IGSF10: variants seen among roughly 807,000 people sequenced by gnomAD.
IGSF10 encodes immunoglobulin superfamily member 10.
Under a neutral mutation model 128.2 loss-of-function variants are expected in IGSF10, and 126 were observed. That is an observed-to-expected ratio of 0.98 (90% CI 0.85 to 1.14). The LOEUF (loss-of-function observed/expected upper bound fraction) is 1.14. Among genes scored for constraint, IGSF10 ranks in the 50% most tolerant of loss-of-function variants. The pLI is 0.00. For synonymous variants in IGSF10, 1,185 were observed against 1,146.2 expected (o/e 1.03, Z -0.68); for missense variants, 3,295 against 3,149.8 (o/e 1.05, Z -1.10).
chr3:151,447,793 C>T lies in IGSF10; in HGVS notation c.2188G>A (p.Gly730Arg). ...NYRELTLQRR[G>R]DSTHRRFREN... The stretch of plus-strand genomic sequence containing the variant: ...CTAAAACGTCGATGTGTTGAATCTC[C>T]ACGTCGCTGGAGTGTTAATTCCCGA... The change falls in exon 6 of 8, where the codon GGA (glycine) becomes AGA (arginine). Residue 730 changes from glycine (G) to arginine (R), a missense_variant. By Grantham distance (125) the Gly-to-Arg change is moderately radical (BLOSUM62 -2). Coordinates refer to ENST00000282466, the MANE Select transcript of IGSF10 (RefSeq NM_178822.5). The T allele has an allele frequency of 6.2e-7, 1 of 1,614,148 alleles. No individual in the cohort carries two copies. The highest frequency in any genetic ancestry group is 2.2e-5 in the East Asian group (1 of 44,878).
chr3:151,561,986 G>A, the IGSF10 span, among the ~76,000 whole-genome samples: 18 of 152,082 alleles, frequency 1.2e-4, no homozygotes, highest in Admixed American at 9.2e-4. Flanking sequence ...TTTTATCAGA[G>A]GCGTTTGAAC....
At chr3:151,483,399 T>A in the IGSF10 span, among the ~76,000 whole-genome samples, 1 of 152,144 alleles carries the variant, frequency 6.6e-6, no homozygotes, top group Non-Finnish European at 1.5e-5. Context: ...GTAAGCTTCA[T>A]AGTAACCACA....
chr3:151,469,514 T>G, the IGSF10 span, among the ~76,000 whole-genome samples: 1 of 152,128 alleles, frequency 6.6e-6, no homozygotes. Context: ...TAAACCTTCT[T>G]CAGAGTTTCC....
intron 7 of IGSF10, among the ~76,000 whole-genome samples, chr3:151,441,643 C>T (rs1202119489): frequency 6.6e-6 from 1 of 152,112 alleles, no homozygotes; most frequent in African/African-American, 2.4e-5. Flanking sequence ...TGGAAATTCT[C>T]ATCCTCATTT....
chr3:151,608,074 A>G, the IGSF10 span, among the ~76,000 whole-genome samples: 1 of 152,122 alleles, frequency 6.6e-6, no homozygotes, highest in Non-Finnish European at 1.5e-5. Flanking sequence ...TCTATGTTTT[A>G]AAATTTCTTA....
chr3:151,553,295 T>C, the IGSF10 span, among the ~76,000 whole-genome samples: 2 of 152,148 alleles, frequency 1.3e-5, no homozygotes, highest in Admixed American at 6.5e-5. Context: ...ATTGTTGTAA[T>C]CAAAATTTTC....
At chr3:151,435,062 C>CTTTTTTTTTTTTTTTTTTTTT (rs66791814), downstream of IGSF10, 6 of 119,084 alleles carry the variant, frequency 5.0e-5, no homozygotes, top group Non-Finnish European at 1.0e-4. Flanking sequence ...TGAGAGGTTT[C>CTTTTTTTTTTTTTTTTTTTTT]TTTTTTTTTT....
the IGSF10 span, among the ~76,000 whole-genome samples, chr3:151,496,937 G>A: frequency 2.0e-5 from 3 of 152,120 alleles, no homozygotes; most frequent in Admixed American, 2.0e-4. Context: ...CAGTGATGAT[G>A]AGCATTTTTT....
the IGSF10 span, among the ~76,000 whole-genome samples, chr3:151,470,478 T>C: frequency 1.3e-5 from 2 of 152,212 alleles, no homozygotes. Context: ...AGCTTCACCA[T>C]TGTATGAGCT....
At chr3:151,488,774 G>A in the IGSF10 span, among the ~76,000 whole-genome samples, 1 of 152,074 alleles carries the variant, frequency 6.6e-6, no homozygotes, top group African/African-American at 2.4e-5. Flanking sequence ...TTGCCATATG[G>A]AGAAAGCTGA....
chr3:151,616,669 T>C, the IGSF10 span, among the ~76,000 whole-genome samples: 1 of 152,206 alleles, frequency 6.6e-6, no homozygotes, highest in Admixed American at 6.5e-5. Context: ...ATTGACAAGC[T>C]GAGTAAAAAT....
At chr3:151,572,946 T>G in the IGSF10 span, among the ~76,000 whole-genome samples, 828 of 152,286 alleles carry the variant, frequency 5.4e-3, 15 homozygotes, top group African/African-American at 0.019. Context: ...CTCATTGGTT[T>G]CAAAAAACAT....
chr3:151,444,338 A>G (rs1344659811), intron 6 of IGSF10, among the ~76,000 whole-genome samples: 1 of 151,832 alleles, frequency 6.6e-6, no homozygotes, highest in Non-Finnish European at 1.5e-5. Flanking sequence ...AGAGAGTTTC[A>G]CTCTTGTTGC....
At chr3:151,617,356 T>A in the IGSF10 span, among the ~76,000 whole-genome samples, 2 of 141,832 alleles carry the variant, frequency 1.4e-5, no homozygotes, top group African/African-American at 5.1e-5. Context: ...CTCCTCCTCC[T>A]CCTTCTCCTT....
At position 151,448,373 on chromosome 3, in the gene IGSF10, C is replaced by T. The variant is rs904585347; in HGVS notation, c.1608G>A (p.Leu536=). The change falls in exon 6 of 8, where the codon TTG becomes TTA. Residue 536 remains leucine (L), a synonymous_variant. Transcript: ENST00000282466. ...CAAAACTATCAGCCATCTGGAGTTC[C>T]AATTTTCCACTTTTGTCTATTAGGA... The part of the protein sequence containing the change: ...GRILIDKSGK[L]ELQMADSFDT... 2 of 1,614,186 alleles carry T rather than the reference C, an allele frequency of 1.2e-6. No homozygotes were observed. The highest frequency in any genetic ancestry group is 3.3e-5 in the Admixed American group (2 of 60,024).
the IGSF10 span, among the ~76,000 whole-genome samples, chr3:151,502,448 C>A: frequency 1.3e-5 from 2 of 151,940 alleles, no homozygotes; most frequent in African/African-American, 4.8e-5. Context: ...TTTTGGCATG[C>A]TATTTGTAGA....
At chr3:151,602,764 C>T in the IGSF10 span, among the ~76,000 whole-genome samples, 1 of 152,046 alleles carries the variant, frequency 6.6e-6, no homozygotes, top group African/African-American at 2.4e-5. Context: ...TTTTAAGTGG[C>T]CAGGAACCTT....
the IGSF10 span, among the ~76,000 whole-genome samples, chr3:151,579,315 CA>C: frequency 1.3e-5 from 2 of 152,104 alleles, no homozygotes; most frequent in East Asian, 3.9e-4. Flanking sequence ...TACAAAAATG[CA>C]AGACAAAGCA....
At chr3:151,570,617 G>C in the IGSF10 span, among the ~76,000 whole-genome samples, 2 of 152,146 alleles carry the variant, frequency 1.3e-5, no homozygotes, top group Non-Finnish European at 2.9e-5. Flanking sequence ...TTAAGTTTTT[G>C]TAGATTCTGG....
Sources: gnomAD v4.1 joint callset for allele counts (sites outside exome capture counted in the v4.1 genomes callset) on GRCh38, gnomAD v4.1.1 for gene constraint, MANE v1.5 for transcripts, NCBI Gene and HGNC (gene_info 2026-07-23, HGNC 2026-07-21) for gene names.